The following MCF2L2 variants were observed in gnomAD, a reference collection of about 807,000 sequenced individuals.
The protein encoded by MCF2L2 is probable guanine nucleotide exchange factor MCF2L2.
MCF2L2 carries 102 observed loss-of-function variants against 150.2 expected under a neutral mutation model. The observed-to-expected ratio is 0.68, with a 90% CI of 0.58 to 0.80. The LOEUF is 0.80. MCF2L2 is among the 30% of genes least tolerant of loss of function. MCF2L2 has a pLI of 0.00. For synonymous variants in MCF2L2, 465 were observed against 491.3 expected (o/e 0.95, Z 0.71); for missense variants, 1,256 against 1,372.8 (o/e 0.91, Z 1.34).
At chr3:183,409,636 C>T (rs1314659119) in intron 1 of MCF2L2, among the ~76,000 whole-genome samples, 2 of 149,690 alleles carry the variant, frequency 1.3e-5, no homozygotes, top group Non-Finnish European at 3.0e-5. Context: ...CTCACTGCAA[C>T]CTCCACTTCC....
chr3:183,352,001 T>C (rs1416551228), intron 3 of MCF2L2, among the ~76,000 whole-genome samples: 4 of 152,126 alleles, frequency 2.6e-5, no homozygotes, highest in Non-Finnish European at 5.9e-5. Flanking sequence ...TTGAATTGGG[T>C]TGATCATTTT....
chr3:183,329,248 G>A (rs1166350633), intron 5 of MCF2L2, among the ~76,000 whole-genome samples: 1 of 152,192 alleles, frequency 6.6e-6, no homozygotes, highest in Non-Finnish European at 1.5e-5. Flanking sequence ...CCAGGCTGGA[G>A]TGCAGTGGCA....
At chr3:183,314,907 CTTTTTTTTTTTTT>C (rs869078971) in intron 7 of MCF2L2, among the ~76,000 whole-genome samples, 2,114 of 13,832 alleles carry the variant, frequency 0.15, 246 homozygotes, top group Admixed American at 0.21. Flanking sequence ...TTTTTCTTTT[CTTTTTTTTTTTTT>C]TTTTTTTTTT....
chr3:183,372,998 A>T (rs1560045573), intron 3 of MCF2L2: 1 of 152,226 alleles, frequency 6.6e-6, no homozygotes, highest in South Asian at 2.1e-4. Flanking sequence ...ACCCAAGTTC[A>T]GCTCCATCTC....
Position 183,270,437 on chromosome 3 carries a change from T to G in MCF2L2, c.1862+6435A>C, listed in dbSNP as rs1726652718. The G allele has an allele frequency of 6.2e-7, 1 of 1,614,194 alleles. No homozygotes were observed. Among genetic ancestry groups the G allele is most frequent in the East Asian group, 2.2e-5 (1 of 44,890 alleles). On this transcript the variant is annotated intron_variant, in intron 15 of 29. Coordinates refer to ENST00000328913, the MANE Select transcript of MCF2L2 (RefSeq NM_015078.4). This position sits in a 1 kb window ranked among gnomAD's most constrained non-coding sequence, Gnocchi z 4.5. Reference sequence around the variant, plus strand: ...AGTACCTTCAAAGTTTAGAACAAATTGGTGTTCAAGACTTTTGGATTGGTC... The same window carrying G: ...AGTACCTTCAAAGTTTAGAACAAATGGGTGTTCAAGACTTTTGGATTGGTC...
At chr3:183,401,430 T>A (rs958133073) in intron 1 of MCF2L2, among the ~76,000 whole-genome samples, 4 of 152,140 alleles carry the variant, frequency 2.6e-5, no homozygotes, top group African/African-American at 7.2e-5. Flanking sequence ...AAAAAAAAAT[T>A]TTTTTAAAGG....
chr3:183,413,767 G>A (rs972457198), intron 1 of MCF2L2, among the ~76,000 whole-genome samples: 1 of 152,136 alleles, frequency 6.6e-6, no homozygotes, highest in African/African-American at 2.4e-5. Context: ...TGGGTCTGTT[G>A]GCCTCATTCC....
chr3:183,229,722 C>T lies in MCF2L2; in HGVS notation c.1989G>A (p.Gln663=). ...WLKHLIPDVL[Q]NNKDFLFGNI... ...TCCCAAAGAGAAAGTCCTTGTTATT[C>T]TGAAGAACATCTGGAATTAGATGCT... Residue 663 remains glutamine, a synonymous_variant, in exon 17 of 30, where the codon CAG becomes CAA. Transcript: ENST00000328913. The T allele has an allele frequency of 6.2e-7, 1 of 1,605,596 alleles. No individual in the cohort carries two copies. The highest frequency in any genetic ancestry group is 8.5e-7 in the Non-Finnish European group (1 of 1,173,852).
At chr3:183,361,577 T>C (rs1414200728) in intron 3 of MCF2L2, among the ~76,000 whole-genome samples, 1 of 152,206 alleles carries the variant, frequency 6.6e-6, no homozygotes, top group Non-Finnish European at 1.5e-5. Context: ...TCCACTGTGA[T>C]TGTAAGTTTC....
chr3:183,217,836 CTAAT>C (rs1452675826), intron 21 of MCF2L2, among the ~76,000 whole-genome samples: 2 of 152,144 alleles, frequency 1.3e-5, no homozygotes, highest in East Asian at 3.9e-4. Context: ...AAAGCAGTAA[CTAAT>C]TAAAGAGACC....
rs557701934 is a variant in MCF2L2, at chr3:183,396,067, T to C, written c.77-6288A>G. Among the ~76,000 whole-genome samples the C allele has an allele frequency of 1.6e-3, 236 of 146,606 alleles. 4 individuals are homozygous for C. In the Middle Eastern group the frequency reaches 0.021, roughly 13 times the overall value. On this transcript the variant is annotated intron_variant, in intron 1 of 29. Transcript: ENST00000328913. ...ATCTCACACCCTCCCCCCATGAACATATGTATTAAAGAACACTTGGCTGCC... is the reference window on the plus strand; with the variant it reads ...ATCTCACACCCTCCCCCCATGAACACATGTATTAAAGAACACTTGGCTGCC...
intron 13 of MCF2L2, among the ~76,000 whole-genome samples, chr3:183,294,925 G>A (rs2108489147): frequency 6.6e-6 from 1 of 152,196 alleles, no homozygotes; most frequent in South Asian, 2.1e-4. Flanking sequence ...ACCGCGCCCA[G>A]CCTAATTTTT....
At chr3:183,195,705 A>C (rs1417635373) in intron 25 of MCF2L2, among the ~76,000 whole-genome samples, 3 of 152,104 alleles carry the variant, frequency 2.0e-5, no homozygotes, top group African/African-American at 7.2e-5. Flanking sequence ...CCAGATCTCA[A>C]CCTCCAGAGG....
At position 183,389,717 on chromosome 3, in the gene MCF2L2, T is replaced by C. The variant is rs1560053236; in HGVS notation, c.139A>G (p.Arg47Gly). 6.2e-7 allele frequency: 1 copy of C among 1,614,184 alleles called. No homozygotes were observed. Among genetic ancestry groups the C allele is most frequent in the Admixed American group, 1.7e-5 (1 of 60,030 alleles). ...TTACCTGAAAGAATGGCAAATTGTCTGTGAAGTTGTTCTATTATCTCCACC... is the reference window on the plus strand; with the variant it reads ...TTACCTGAAAGAATGGCAAATTGTCCGTGAAGTTGTTCTATTATCTCCACC... The part of the protein sequence containing the change: ...MAVEIIEQLH[R>G]QFAILSGGRG... The change falls in exon 2 of 30, where the codon AGA (arginine) becomes GGA (glycine). Residue 47 changes from arginine to glycine, a missense_variant. Transcript: ENST00000328913.
chr3:183,233,398 A>ATATATGTG (rs1482971809), intron 15 of MCF2L2, among the ~76,000 whole-genome samples: 4 of 150,928 alleles, frequency 2.7e-5, no homozygotes, highest in African/African-American at 7.3e-5. Context: ...AGATAGATAT[A>ATATATGTG]TGTGTGTGTG....
chr3:183,265,233 A>G (rs1013083996), intron 15 of MCF2L2: 18 of 152,358 alleles, frequency 1.2e-4, no homozygotes, highest in African/African-American at 4.3e-4. Context: ...GGCCCCAAAC[A>G]GGGGTAACCC....
intron 15 of MCF2L2, chr3:183,254,000 C>G (rs932045536): frequency 6.6e-6 from 1 of 152,094 alleles, no homozygotes; most frequent in African/African-American, 2.4e-5. Context: ...TGCCGCGGCC[C>G]CGAGCTGGGC....
At chr3:183,294,646 T>G (rs916828885) in intron 13 of MCF2L2, among the ~76,000 whole-genome samples, 1 of 147,778 alleles carries the variant, frequency 6.8e-6, no homozygotes, top group African/African-American at 2.5e-5. Context: ...TTTTTTTTTT[T>G]GAGACGGAGT....
In MCF2L2 at chr3:183,219,920, A is replaced by T; in HGVS notation, c.2306T>A (p.Leu769Gln). ...ATCTTCAGGAGACTCGAAATCCAGC[A>T]GACCCTGCATTAACCCAAAAGTCTT... Reference protein sequence around the residue: ...LIKYQMLLKGLLDFESPEDME... With the variant: ...LIKYQMLLKGQLDFESPEDME... Residue 769 changes from leucine to glutamine, a missense_variant, in exon 21 of 30, where the codon CTG (leucine) becomes CAG (glutamine). Physicochemically the swap from Leu to Gln is moderately radical, Grantham distance 113. Transcript: ENST00000328913. The T allele has an allele frequency of 6.2e-7, 1 of 1,612,872 alleles. No individual in the cohort carries two copies. The highest frequency in any genetic ancestry group is 1.7e-4 in the Middle Eastern group (1 of 6,056).
Sources: gnomAD v4.1 joint callset for allele counts (sites outside exome capture counted in the v4.1 genomes callset) on GRCh38, gnomAD v4.1.1 for gene constraint, Gnocchi (gnomAD v3.1) non-coding constraint, MANE v1.5 for transcripts, NCBI Gene and HGNC (gene_info 2026-07-23, HGNC 2026-07-21) for gene names.